The following RAP1GAP2 variants were observed in gnomAD, a reference collection of about 807,000 sequenced individuals.
RAP1GAP2 encodes RAP1 GTPase activating protein 2, also known as rap1 GTPase-activating protein 2.
In RAP1GAP2, 27 loss-of-function variants were observed where a neutral mutation model predicts 95.0. The ratio of observed to expected loss-of-function variants is 0.28; its 90% CI spans 0.21 to 0.39. RAP1GAP2 has a LOEUF of 0.39. Ranked by LOEUF, RAP1GAP2 falls within the 10% of genes least tolerant of loss-of-function variation. The pLI, the probability that RAP1GAP2 is intolerant of heterozygous loss-of-function variation, is 1.00. For synonymous variants in RAP1GAP2, 373 were observed against 380.9 expected (o/e 0.98, Z 0.24); for missense variants, 771 against 970.0 (o/e 0.79, Z 2.72).
At position 3,006,047 on chromosome 17, in the gene RAP1GAP2, A is replaced by C; in HGVS notation, c.1359+6A>C. ...ACAAGTTTGCAAAGCTGGAGGTGAG[A>C]GTGTGGTTTCTGAAGGTCTCCCTCC... On this transcript the variant is annotated splice_donor_region_variant and intron_variant, in intron 16 of 24. Transcript: ENST00000254695. The C allele has an allele frequency of 1.3e-6, 2 of 1,499,100 alleles. No individual in the cohort carries two copies. Among genetic ancestry groups the C allele is most frequent in the Non-Finnish European group, 1.8e-6 (2 of 1,108,844 alleles). 92.9% of individuals were successfully genotyped at this position (1,499,100 alleles called of 1,614,324 possible). A position where few individuals can be genotyped will look rare whatever the true frequency, so the allele number is the denominator to read the frequency against.
intron 3 of RAP1GAP2, among the ~76,000 whole-genome samples, chr17:2,942,255 C>T (rs1017734551): frequency 2.6e-5 from 4 of 152,154 alleles, no homozygotes; most frequent in Admixed American, 6.5e-5. Flanking sequence ...TGCCTTATAC[C>T]TGCCTGGCAC....
At chr17:2,886,297 C>T (rs1438314055) in intron 2 of RAP1GAP2, among the ~76,000 whole-genome samples, 10 of 151,546 alleles carry the variant, frequency 6.6e-5, no homozygotes, top group Non-Finnish European at 1.3e-4. Flanking sequence ...CTCAGCCTCT[C>T]GAGTAGCTGG....
At chr17:2,795,225 C>T (rs1275128164), upstream of RAP1GAP2, among the ~76,000 whole-genome samples, 2 of 151,476 alleles carry the variant, frequency 1.3e-5, no homozygotes, top group Non-Finnish European at 2.9e-5. Context: ...TTCCCTTTCT[C>T]CACTGCTTGG....
At chr17:2,776,783 C>T (rs1027625061), upstream of RAP1GAP2, among the ~76,000 whole-genome samples, 10 of 149,346 alleles carry the variant, frequency 6.7e-5, no homozygotes, top group African/African-American at 2.2e-4. Flanking sequence ...CCGGGGTGCG[C>T]GCGTGCGCGG....
At chr17:2,891,814 C>CTTTTTT (rs917540694) in intron 2 of RAP1GAP2, among the ~76,000 whole-genome samples, 914 of 54,242 alleles carry the variant, frequency 0.017, 62 homozygotes, top group Non-Finnish European at 0.025. Context: ...TATTTCTTTT[C>CTTTTTT]TTTTTTTTTT....
chr17:2,996,476 G>A (rs893802441), intron 13 of RAP1GAP2, among the ~76,000 whole-genome samples: 1 of 152,190 alleles, frequency 6.6e-6, no homozygotes, highest in African/African-American at 2.4e-5. Flanking sequence ...CATAGTGCCT[G>A]GCTTCTTAGG....
chr17:2,800,811 CATT>C (rs2069256395), intron 2 of RAP1GAP2, among the ~76,000 whole-genome samples: 1 of 151,124 alleles, frequency 6.6e-6, no homozygotes, highest in Admixed American at 6.6e-5. Context: ...CATTCAGTCC[CATT>C]ATTCTTTTTT....
chr17:2,963,486 ACCT>A lies in RAP1GAP2; in HGVS notation c.279+25_279+27del. On this transcript the variant is annotated intron_variant, in intron 6 of 24. Coordinates refer to ENST00000254695, the MANE Select transcript of RAP1GAP2 (RefSeq NM_015085.5). This position sits in a 1 kb window ranked among gnomAD's most constrained non-coding sequence, Gnocchi z 4.8. ...AGGTAGGTGCCCTCCCCTCACTCCC[ACCT>A]GCCCTGCAGCCTGCTCTGGGTCCCG... is the stretch of plus-strand genomic sequence containing the variant. 6.2e-7 allele frequency: 1 copy of A among 1,613,218 alleles called. No individual in the cohort carries two copies.
chr17:2,916,395 A>G (rs1354596199), intron 3 of RAP1GAP2, among the ~76,000 whole-genome samples: 1 of 152,224 alleles, frequency 6.6e-6, no homozygotes, highest in Non-Finnish European at 1.5e-5. Context: ...AGCCACTGGC[A>G]GTCATTTGGA....
intron 11 of RAP1GAP2, among the ~76,000 whole-genome samples, chr17:2,987,915 C>T (rs1054941973): frequency 1.3e-5 from 2 of 152,214 alleles, no homozygotes; most frequent in African/African-American, 2.4e-5. Flanking sequence ...ATCTGCCGCT[C>T]TTCATGGCAG....
chr17:2,755,845 C>T, intron 1 of RAP1GAP2: 1 of 340,376 alleles, frequency 2.9e-6, no homozygotes, highest in Non-Finnish European at 5.3e-6. Context: ...AGCAGCGGGG[C>T]GCGGGCCCAA....
chr17:2,869,119 A>G (rs1597472010), intron 2 of RAP1GAP2, among the ~76,000 whole-genome samples: 1 of 152,184 alleles, frequency 6.6e-6, no homozygotes, highest in African/African-American at 2.4e-5. Flanking sequence ...TCACCTCCCA[A>G]AGGCCCCTCT....
intron 3 of RAP1GAP2, among the ~76,000 whole-genome samples, chr17:2,940,591 C>A (rs972036725): frequency 6.6e-6 from 1 of 152,182 alleles, no homozygotes; most frequent in Non-Finnish European, 1.5e-5. Context: ...TGTCACGGAG[C>A]CTCAGAGTGT....
intron 4 of RAP1GAP2, 114 bp from the exon 5 acceptor site, chr17:2,962,556 C>A: frequency 8.5e-7 from 1 of 1,180,242 alleles, no homozygotes. Context: ...CCAGCACGGG[C>A]CAGCTTTTGC....
rs181099538 is a variant in RAP1GAP2, at chr17:2,887,141, T to C, written c.81-18143T>C. 6.6e-5 allele frequency among the ~76,000 whole-genome samples: 10 copies of C among 152,028 alleles called. No homozygotes were observed. The East Asian group carries it at 1.9e-3, about 30-fold the overall frequency. ...GCTGGAGTGCAGTGGCGCATTGCAC[T>C]CTGCCTCCTAGGTCCAAGCGATTCT... On this transcript the variant is annotated intron_variant, in intron 2 of 24. Coordinates refer to ENST00000254695, the MANE Select transcript of RAP1GAP2 (RefSeq NM_015085.5).
chr17:2,960,822 G>A (rs1455697125), intron 4 of RAP1GAP2, among the ~76,000 whole-genome samples: 1 of 152,214 alleles, frequency 6.6e-6, no homozygotes, highest in Non-Finnish European at 1.5e-5. Context: ...TCTAGTTTGT[G>A]TACCGTCTCA....
chr17:2,823,069 A>G (rs568230218), intron 2 of RAP1GAP2, among the ~76,000 whole-genome samples: 1 of 152,284 alleles, frequency 6.6e-6, no homozygotes, highest in East Asian at 1.9e-4. Flanking sequence ...AAAGTGAAAA[A>G]TGCTGTAAAT....
At chr17:2,765,139 A>ACATGT (rs1332854037) in intron 1 of RAP1GAP2, among the ~76,000 whole-genome samples, 10 of 152,130 alleles carry the variant, frequency 6.6e-5, no homozygotes. Flanking sequence ...CAGAGGAGGG[A>ACATGT]CATGTCCCAA....
At chr17:2,811,632 C>T (rs113286910) in intron 2 of RAP1GAP2, among the ~76,000 whole-genome samples, 1,836 of 152,312 alleles carry the variant, frequency 0.012, 46 homozygotes, top group African/African-American at 0.042. Context: ...GGCTGGAGTG[C>T]AATGGCACGA....
Sources: gnomAD v4.1 joint callset for allele counts (sites outside exome capture counted in the v4.1 genomes callset) on GRCh38, gnomAD v4.1.1 for gene constraint, Gnocchi (gnomAD v3.1) non-coding constraint, MANE v1.5 for transcripts, NCBI Gene and HGNC (gene_info 2026-07-23, HGNC 2026-07-21) for gene names.